SEC24B: variants seen among roughly 807,000 people sequenced by gnomAD.
SEC24B encodes SEC24 homolog B, COPII component, also known as protein transport protein Sec24B.
A neutral mutation model predicts 142.8 loss-of-function variants in SEC24B; 45 were observed. That is an observed-to-expected ratio of 0.32 (90% CI 0.25 to 0.40). The LOEUF (loss-of-function observed/expected upper bound fraction) is 0.40, where lower values mean the gene tolerates loss of function less well. Ranked by LOEUF, SEC24B falls within the 10% of genes least tolerant of loss-of-function variation. The pLI, the probability that SEC24B is intolerant of heterozygous loss-of-function variation, is 1.00. For synonymous variants in SEC24B, 574 were observed against 568.2 expected (o/e 1.01, Z -0.15); for missense variants, 1,409 against 1,526.8 (o/e 0.92, Z 1.29).
rs374052264 is a variant in SEC24B, at chr4:109,506,358, A to G, written c.1519A>G (p.Ser507Gly). ...QYPGVNQLSS[S>G]IGGLSLQSSP... ...TCCTGGTGTGAACCAGCTATCCTCC[A>G]GTATAGGAGGATTGAGTCTTCAGAG... is the stretch of plus-strand genomic sequence containing the variant. Residue 507 changes from serine to glycine, a missense_variant, in exon 7 of 24, where the codon AGT becomes GGT. By Grantham distance (56) the Ser-to-Gly change is moderately conservative. Around this residue, in one of 2 missense-constraint regions of SEC24B, gnomAD observed 709 missense variants for 673.5 expected, o/e 1.05. Coordinates refer to ENST00000265175, the MANE Select transcript of SEC24B (RefSeq NM_006323.5). The G allele has an allele frequency of 2.4e-5, 38 of 1,586,956 alleles. 1 individual carries two copies. The South Asian group carries it at 3.5e-4, about 15-fold the overall frequency.
At chr4:109,530,492 A>G in intron 19 of SEC24B, 28 bp downstream of exon 19, 1 of 1,553,328 alleles carries the variant, frequency 6.4e-7, no homozygotes, top group African/African-American at 1.4e-5. Flanking sequence ...GCTATATTTA[A>G]TATTGTTTTT....
intron 11 of SEC24B, among the ~76,000 whole-genome samples, chr4:109,518,122 C>G (rs1427407505): frequency 6.6e-6 from 1 of 152,198 alleles, no homozygotes; most frequent in East Asian, 1.9e-4. Flanking sequence ...CACCCACCAC[C>G]ACACTAGGCT....
Position 109,506,477 on chromosome 4 carries a change from G to A in SEC24B, c.1638G>A (p.Leu546=), listed in dbSNP as rs781132488. ...MTPVWAPVPN[L]NADLKKLNCS... ...CTGTTTGGGCTCCTGTACCTAACTTGAATGCAGACCTCAAAAAATTAAACT... is the reference window on the plus strand; with the variant it reads ...CTGTTTGGGCTCCTGTACCTAACTTAAATGCAGACCTCAAAAAATTAAACT... Residue 546 remains leucine (L), a synonymous_variant, in exon 7 of 24, where the codon TTG becomes TTA. Transcript: ENST00000265175. The A allele has an allele frequency of 1.3e-6, 2 of 1,589,502 alleles. No homozygotes were observed. The highest frequency in any genetic ancestry group is 1.7e-6 in the Non-Finnish European group (2 of 1,169,384).
At chr4:109,478,457 A>C (rs28460762) in intron 3 of SEC24B, among the ~76,000 whole-genome samples, 17,981 of 152,118 alleles carry the variant, frequency 0.12, 3,530 homozygotes, top group African/African-American at 0.41. Context: ...TTTATTTTGT[A>C]TTTAGTATGT....
chr4:109,527,355 T>G lies in SEC24B; in HGVS notation c.2999T>G (p.Leu1000Trp). Residue 1000 changes from leucine (L) to tryptophan (W), a missense_variant, in exon 18 of 24, where the codon TTG becomes TGG. Leu to Trp is a moderately conservative substitution (Grantham distance 61). Coordinates refer to ENST00000265175, the MANE Select transcript of SEC24B (RefSeq NM_006323.5). ...AGAATTAGAGTACATACACTTTGTTTGCCAGTGGTAAGTTCACTAGCAGAT... is the reference window on the plus strand; with the variant it reads ...AGAATTAGAGTACATACACTTTGTTGGCCAGTGGTAAGTTCACTAGCAGAT... The part of the protein sequence containing the change: ...ERRIRVHTLC[L>W]PVVSSLADVY... 6.2e-7 allele frequency: 1 copy of G among 1,613,404 alleles called. No individual in the cohort carries two copies. Among genetic ancestry groups the G allele is most frequent in the Non-Finnish European group, 8.5e-7 (1 of 1,179,596 alleles).
chr4:109,462,990 C>T lies in SEC24B; in HGVS notation c.223C>T (p.Pro75Ser), dbSNP rs1465127897. ...TCCCTCAGGACATTACTCTCAAGGA[C>T]CTGGGAAAATGACCTCATTGCCATT... ...IAPSGHYSQG[P>S]GKMTSLPLDT... is the part of the protein sequence containing the mutation. Residue 75 changes from proline (P) to serine (S), a missense_variant, in exon 2 of 24, where the codon CCT becomes TCT. Coordinates refer to ENST00000265175, the MANE Select transcript of SEC24B (RefSeq NM_006323.5). 4 of 1,614,058 alleles carry T rather than the reference C, an allele frequency of 2.5e-6. No individual in the cohort carries two copies. Among genetic ancestry groups the T allele is most frequent in the Middle Eastern group, 1.6e-4 (1 of 6,062 alleles).
At chr4:109,461,243 G>T (rs1450623766) in intron 1 of SEC24B, among the ~76,000 whole-genome samples, 1 of 152,176 alleles carries the variant, frequency 6.6e-6, no homozygotes, top group Non-Finnish European at 1.5e-5. Context: ...TATATAGTCA[G>T]TATTGGGACA....
chr4:109,478,204 T>G (rs1448069104), intron 3 of SEC24B, among the ~76,000 whole-genome samples: 2 of 151,846 alleles, frequency 1.3e-5, no homozygotes. Flanking sequence ...GAGAATCACT[T>G]GAACCGGGGA....
intron 1 of SEC24B, among the ~76,000 whole-genome samples, chr4:109,434,963 G>C (rs1038336498): frequency 6.6e-5 from 10 of 152,206 alleles, no homozygotes; most frequent in African/African-American, 2.4e-4. Context: ...TCTCCTTACA[G>C]ACTTCTTAGT....
At chr4:109,487,272 A>G (rs1734470263) in intron 4 of SEC24B, among the ~76,000 whole-genome samples, 1 of 152,326 alleles carries the variant, frequency 6.6e-6, no homozygotes, top group Non-Finnish European at 1.5e-5. Flanking sequence ...AGTTTGACAA[A>G]GGATTTGAAA....
At chr4:109,500,466 C>G (rs1736000813) in intron 6 of SEC24B, among the ~76,000 whole-genome samples, 2 of 150,628 alleles carry the variant, frequency 1.3e-5, no homozygotes. Context: ...ATTGCTTGAA[C>G]CCAGGAGGCA....
intron 1 of SEC24B, among the ~76,000 whole-genome samples, chr4:109,438,152 G>A (rs1469311623): frequency 2.0e-5 from 3 of 152,188 alleles, no homozygotes; most frequent in African/African-American, 7.2e-5. Context: ...AGCTTTGTGA[G>A]GGTGGCAGTT....
In SEC24B at chr4:109,516,560, T is replaced by G. The variant is rs1722949793; in HGVS notation, c.2046T>G (p.Phe682Leu). ...CTCCTCAACCTGCAGTTTACTTGTT[T>G]GTTTTAGATGTGTCTCATAATGCAG... ...LRPPQPAVYL[F>L]VLDVSHNAVE... The change falls in exon 11 of 24, where the codon TTT (phenylalanine) becomes TTG (leucine). Residue 682 changes from phenylalanine to leucine, a missense_variant. Physicochemically the swap from Phe to Leu is conservative, Grantham distance 22 (BLOSUM62 0). Coordinates refer to ENST00000265175, the MANE Select transcript of SEC24B (RefSeq NM_006323.5). The G allele has an allele frequency of 3.1e-6, 5 of 1,612,504 alleles. No homozygotes were observed. The highest frequency in any genetic ancestry group is 4.2e-6 in the Non-Finnish European group (5 of 1,179,196).
intron 22 of SEC24B, among the ~76,000 whole-genome samples, chr4:109,536,847 T>G (rs1482806632): frequency 6.6e-6 from 1 of 151,594 alleles, no homozygotes; most frequent in East Asian, 1.9e-4. Flanking sequence ...TTTTTTTTTA[T>G]AATATTAGAA....
chr4:109,493,237 T>A (rs1735199845), intron 5 of SEC24B, among the ~76,000 whole-genome samples: 1 of 151,698 alleles, frequency 6.6e-6, no homozygotes, highest in African/African-American at 2.4e-5. Context: ...TGTCTAGGAG[T>A]GTATCTTCAG....
rs57381343 is a variant in SEC24B, at chr4:109,484,312, G to A, written c.1165+2531G>A. Among the ~76,000 whole-genome samples the A allele has an allele frequency of 3.7e-3, 560 of 152,142 alleles. 5 individuals carry two copies. Among genetic ancestry groups the A allele is most frequent in the African/African-American group, 0.013 (545 of 41,502 alleles). ...ATTAGATTCAGACCATGCATTTTTC[G>A]GAGGATTACCACTAAAACAATGTTG... On this transcript the variant is annotated intron_variant, in intron 4 of 23. Transcript: ENST00000265175.
At chr4:109,442,328 GAAT>G (rs1039474833) in intron 1 of SEC24B, among the ~76,000 whole-genome samples, 3 of 152,120 alleles carry the variant, frequency 2.0e-5, no homozygotes, top group African/African-American at 7.2e-5. Flanking sequence ...TAAAGCAGGG[GAAT>G]AGGACCATGG....
At chr4:109,448,268 G>A (rs1340114581) in intron 1 of SEC24B, among the ~76,000 whole-genome samples, 12 of 151,880 alleles carry the variant, frequency 7.9e-5, no homozygotes, top group Admixed American at 7.9e-4. Context: ...TTTATGGCAA[G>A]GTAAACCATT....
chr4:109,513,975 C>A (rs1330980695), intron 10 of SEC24B, 119 bp downstream of exon 10: 3 of 617,966 alleles, frequency 4.9e-6, no homozygotes, highest in South Asian at 4.0e-5. Flanking sequence ...TTTTTAAAAA[C>A]AAATTAATGC....
Sources: gnomAD v4.1 joint callset for allele counts (sites outside exome capture counted in the v4.1 genomes callset) on GRCh38, gnomAD v4.1.1 for gene constraint, gnomAD v4.1.1 regional missense constraint, MANE v1.5 for transcripts, NCBI Gene and HGNC (gene_info 2026-07-23, HGNC 2026-07-21) for gene names.